The following FNDC3B variants were observed in gnomAD, a reference collection of about 807,000 sequenced individuals.
FNDC3B encodes the protein fibronectin type III domain-containing protein 3B.
FNDC3B carries 12 observed loss-of-function variants against 151.5 expected under a neutral mutation model. That is an observed-to-expected ratio of 0.08 (90% CI 0.05 to 0.13). The LOEUF (loss-of-function observed/expected upper bound fraction) is 0.13. Ranked by LOEUF, FNDC3B falls within the 10% of genes least tolerant of loss-of-function variation. The pLI is 1.00. For missense variants in FNDC3B, 1,214 were observed against 1,505.3 expected, an observed-to-expected ratio of 0.81 and a Z score of 3.20; for synonymous variants, 528 against 549.0, an observed-to-expected ratio of 0.96 and a Z score of 0.54.
chr3:172,069,409 A>G (rs1334372382), intron 1 of FNDC3B, among the ~76,000 whole-genome samples: 1 of 152,218 alleles, frequency 6.6e-6, no homozygotes, highest in African/African-American at 2.4e-5. Flanking sequence ...AAATATCTCT[A>G]TTAATACTTT....
chr3:172,185,476 A>C (rs1204843340), intron 3 of FNDC3B, among the ~76,000 whole-genome samples: 1 of 152,148 alleles, frequency 6.6e-6, no homozygotes, highest in Non-Finnish European at 1.5e-5. Context: ...GCATTGTTAC[A>C]CTGGGGAAGA....
intron 3 of FNDC3B, among the ~76,000 whole-genome samples, chr3:172,210,264 T>C (rs1361761265): frequency 1.3e-5 from 2 of 152,254 alleles, no homozygotes; most frequent in African/African-American, 2.4e-5. Context: ...CCACGTGGGC[T>C]ACCACTGCTA....
chr3:172,371,113 C>T (rs1734859773), intron 23 of FNDC3B, among the ~76,000 whole-genome samples: 1 of 151,832 alleles, frequency 6.6e-6, no homozygotes, highest in African/African-American at 2.4e-5. Context: ...GCAACACCCT[C>T]CCCCCTTGCC....
rs1474250235 is a variant in FNDC3B, at chr3:172,044,252, G to C, written c.-29+4481G>C. On this transcript the variant is annotated intron_variant, in intron 1 of 25. Transcript: ENST00000415807. ...CTAAAAGGAATTTCAACAACTTTCT[G>C]ATTTTGTATGGAATAGTGAAAATTC... Among the ~76,000 whole-genome samples, 50 of 123,820 alleles carry C rather than the reference G, an allele frequency of 4.0e-4. 3 individuals carry two copies. The highest frequency in any genetic ancestry group is 1.5e-3 in the African/African-American group (35 of 23,202). The allele number at this position is 123,820 out of a possible 152,430, so 81.2% of individuals were successfully genotyped here.
chr3:172,157,715 A>G (rs757253711), intron 3 of FNDC3B, among the ~76,000 whole-genome samples: 15 of 152,234 alleles, frequency 9.9e-5, no homozygotes, highest in East Asian at 3.8e-4. Flanking sequence ...TTGTGTATCA[A>G]TAGCTTATTT....
intron 5 of FNDC3B, 62 bp downstream of exon 5, chr3:172,247,838 A>C (rs1182466944): frequency 1.3e-6 from 2 of 1,568,132 alleles, no homozygotes; most frequent in Admixed American, 1.7e-5. Flanking sequence ...TCAATAGTTC[A>C]AGGCGGTCCT....
intron 21 of FNDC3B, among the ~76,000 whole-genome samples, chr3:172,349,028 C>T (rs1733736315): frequency 6.6e-6 from 1 of 152,050 alleles, no homozygotes; most frequent in Non-Finnish European, 1.5e-5. Flanking sequence ...TGGGGGCTCA[C>T]ACTTGTAATC....
chr3:172,246,863 C>A (rs1184237668), intron 4 of FNDC3B, among the ~76,000 whole-genome samples: 3 of 152,226 alleles, frequency 2.0e-5, no homozygotes, highest in African/African-American at 4.8e-5. Flanking sequence ...TCTTTCACAA[C>A]ACTCATCATG....
Position 172,318,755 on chromosome 3 carries a change from C to T in FNDC3B, c.1254+7874C>T, listed in dbSNP as rs563142665. Among the ~76,000 whole-genome samples, 4 of 152,296 alleles carry T rather than the reference C, an allele frequency of 2.6e-5. No individual in the cohort carries two copies. The South Asian group carries it at 8.3e-4, about 32-fold the overall frequency. On this transcript the variant is annotated intron_variant, in intron 11 of 25. Transcript: ENST00000415807. ...TGCCCAGGCCCACATGCACTTTGGTCATTCTTGGCAACTGTGGGGATTGGA... is the reference window on the plus strand; with the variant it reads ...TGCCCAGGCCCACATGCACTTTGGTTATTCTTGGCAACTGTGGGGATTGGA...
intron 1 of FNDC3B, among the ~76,000 whole-genome samples, chr3:172,069,973 T>C (rs974715906): frequency 2.0e-5 from 3 of 152,192 alleles, no homozygotes; most frequent in Non-Finnish European, 4.4e-5. Context: ...GAAAACCTAG[T>C]CTGAGAGTTG....
intron 1 of FNDC3B, among the ~76,000 whole-genome samples, chr3:172,043,400 G>A (rs1448750647): frequency 6.6e-6 from 1 of 152,090 alleles, no homozygotes; most frequent in African/African-American, 2.4e-5. Context: ...GGAGTGCAGC[G>A]GCATGATCAC....
chr3:172,330,760 A>G (rs770274863), intron 13 of FNDC3B, 45 bp downstream of exon 13: 3 of 1,488,832 alleles, frequency 2.0e-6, no homozygotes, highest in East Asian at 2.3e-5. Context: ...TGTACGAGTC[A>G]GTATTATTAT....
intron 2 of FNDC3B, among the ~76,000 whole-genome samples, chr3:172,116,335 C>T (rs942133223): frequency 7.2e-5 from 11 of 152,172 alleles, no homozygotes; most frequent in African/African-American, 2.7e-4. Context: ...GGTATATTCA[C>T]AGAATTGTAC....
At position 172,378,165 on chromosome 3, in the gene FNDC3B, G is replaced by C. The variant is rs988710117; in HGVS notation, c.3009-105G>C. 13 of 838,234 alleles carry C rather than the reference G, an allele frequency of 1.6e-5. No individual in the cohort carries two copies. In the South Asian group the frequency reaches 2.5e-4, roughly 16 times the overall value. The allele number at this position is 838,234 out of a possible 1,614,324, so 51.9% of individuals were successfully genotyped here. A position where few individuals can be genotyped will look rare whatever the true frequency, so the allele number is the denominator to read the frequency against. ...ATTATTAATTCAGAATGTATGGAAA[G>C]CGTTTACCAGGTTGGCCTAATCTGC... On this transcript the variant is annotated intron_variant, in intron 23 of 25. Coordinates refer to ENST00000415807, the MANE Select transcript of FNDC3B (RefSeq NM_022763.4).
intron 25 of FNDC3B, among the ~76,000 whole-genome samples, chr3:172,395,858 AT>A (rs779185745): frequency 9.9e-5 from 15 of 152,216 alleles, no homozygotes; most frequent in Non-Finnish European, 2.1e-4. Context: ...CATCACAGAA[AT>A]GCAGTCGTGG....
At chr3:172,169,938 A>T (rs1335821370) in intron 3 of FNDC3B, among the ~76,000 whole-genome samples, 1 of 152,122 alleles carries the variant, frequency 6.6e-6, no homozygotes, top group Non-Finnish European at 1.5e-5. Flanking sequence ...CCTAAAAGCC[A>T]CTCTTGACTC....
intron 3 of FNDC3B, among the ~76,000 whole-genome samples, chr3:172,159,574 A>G (rs1722668229): frequency 1.3e-5 from 2 of 152,260 alleles, no homozygotes; most frequent in Admixed American, 6.5e-5. Flanking sequence ...TGAGAAAATC[A>G]GTAGGAAAAC....
At chr3:172,043,745 T>C (rs899917174) in intron 1 of FNDC3B, among the ~76,000 whole-genome samples, 2 of 152,216 alleles carry the variant, frequency 1.3e-5, no homozygotes, top group African/African-American at 4.8e-5. Context: ...TTAAAAACAA[T>C]GTTTACATGT....
chr3:172,093,260 A>ATTT (rs750469529), intron 1 of FNDC3B, among the ~76,000 whole-genome samples: 1 of 138,498 alleles, frequency 7.2e-6, no homozygotes, highest in Non-Finnish European at 1.6e-5. Context: ...CACCCAGCTA[A>ATTT]TTTTTTTTTT....
Sources: gnomAD v4.1 joint callset for allele counts (sites outside exome capture counted in the v4.1 genomes callset) on GRCh38, gnomAD v4.1.1 for gene constraint, MANE v1.5 for transcripts, NCBI Gene and HGNC (gene_info 2026-07-23, HGNC 2026-07-21) for gene names.